Variants in SMG1 observed in about 807,000 individuals in gnomAD.
The protein encoded by SMG1 is SMG1 nonsense mediated mRNA decay associated PI3K related kinase.
In SMG1, 22 loss-of-function variants were observed where a neutral mutation model predicts 419.9. That is an observed-to-expected ratio of 0.05 (90% confidence interval 0.04 to 0.07). The LOEUF (loss-of-function observed/expected upper bound fraction) is 0.07, where lower values mean the gene tolerates loss of function less well. Among genes scored for constraint, SMG1 ranks in the 10% least tolerant of loss-of-function variants. The probability of loss-of-function intolerance (pLI) is 1.00; values close to 1 mark genes in which losing one functional copy is unlikely to be tolerated. For missense variants in SMG1, 3,185 were observed against 4,342.0 expected (o/e 0.73, Z 7.49); for synonymous variants, 1,538 against 1,553.5 (o/e 0.99, Z 0.23).
rs540493313 is a variant in SMG1, at chr16:18,868,541, T to G, written c.3012A>C (p.Ala1004=). The G allele has an allele frequency of 2.9e-4, 457 of 1,593,218 alleles. 1 individual carries two copies. The African/African-American group carries it at 5.3e-3, about 18-fold the overall frequency. The change falls in exon 21 of 63, where the codon GCA becomes GCC. Residue 1004 remains alanine (A), a synonymous_variant. Coordinates refer to ENST00000446231, the MANE Select transcript of SMG1 (RefSeq NM_015092.5). ...MYNAYEGCAN[A]LTSPPKVIRT... is the part of the protein sequence containing the mutation. ...AACCAACCTTGGGAGGTGAAGTTAA[T>G]GCATTAGCACATCCCTCGTATGCAT...
chr16:18,812,301 C>T, intron 60 of SMG1, 174 bp from the exon 61 acceptor site: 1 of 586,340 alleles, frequency 1.7e-6, no homozygotes, highest in South Asian at 2.6e-5. Context: ...TAAAAACAGC[C>T]AGACATTCAG....
chr16:18,921,671 T>C (rs2038206421), intron 1 of SMG1, among the ~76,000 whole-genome samples: 1 of 152,184 alleles, frequency 6.6e-6, no homozygotes, highest in Non-Finnish European at 1.5e-5. Flanking sequence ...CTTTATGTAT[T>C]TCCCCGTATT....
At chr16:18,827,666 T>C (rs2032826695) in intron 55 of SMG1, among the ~76,000 whole-genome samples, 2 of 144,656 alleles carry the variant, frequency 1.4e-5, no homozygotes, top group Admixed American at 7.0e-5. Flanking sequence ...AATATATATT[T>C]TTATATATAT....
rs753849271 is a variant in SMG1, at chr16:18,829,685, A to G, written c.9204T>C (p.Phe3068=). The G allele has an allele frequency of 6.2e-7, 1 of 1,614,042 alleles. No individual in the cohort carries two copies. Among genetic ancestry groups the G allele is most frequent in the Non-Finnish European group, 8.5e-7 (1 of 1,179,894 alleles). ...GGTCTTCACTGAAACAAGAGTTTCT[A>G]AAAAGGGTTTTCACATTGACAATCT... ...PVQIVNVKTL[F]RNSCFSEDQM... Residue 3068 remains phenylalanine (F), a synonymous_variant, in exon 54 of 63, where the codon TTT becomes TTC. Transcript: ENST00000446231.
chr16:18,827,788 A>G (rs1362740040), intron 55 of SMG1, among the ~76,000 whole-genome samples: 2 of 145,596 alleles, frequency 1.4e-5, no homozygotes, highest in East Asian at 2.0e-4. Flanking sequence ...TATATTTTAT[A>G]TATATTTTGG....
At chr16:18,897,275 T>C (rs1410579527) in intron 1 of SMG1, among the ~76,000 whole-genome samples, 1 of 152,174 alleles carries the variant, frequency 6.6e-6, no homozygotes, top group Non-Finnish European at 1.5e-5. Flanking sequence ...AACAGAACAA[T>C]TGGTTACTCT....
At chr16:18,898,546 CATCT>C (rs1199440540) in intron 1 of SMG1, among the ~76,000 whole-genome samples, 1 of 152,094 alleles carries the variant, frequency 6.6e-6, no homozygotes, top group Non-Finnish European at 1.5e-5. Context: ...ATTTAACATG[CATCT>C]ATATAAATCA....
chr16:18,857,411 T>TA (rs1320469053), intron 29 of SMG1: 3 of 152,208 alleles, frequency 2.0e-5, no homozygotes, highest in Non-Finnish European at 2.9e-5. Flanking sequence ...ACAAAGAACT[T>TA]AGGTTCAGAA....
At chr16:18,880,720 A>AAGG (rs1567417512) in intron 10 of SMG1, among the ~76,000 whole-genome samples, 1 of 34,580 alleles carries the variant, frequency 2.9e-5, no homozygotes, top group East Asian at 4.1e-4. Context: ...CCAAAAAAAA[A>AAGG]AGGGGGGGGG....
intron 10 of SMG1, among the ~76,000 whole-genome samples, chr16:18,881,634 T>C (rs1295496456): frequency 2.6e-5 from 4 of 152,174 alleles, no homozygotes; most frequent in Non-Finnish European, 4.4e-5. Context: ...TGAACCCTCA[T>C]TGGATGTGCT....
At chr16:18,850,558 C>T (rs796729668) in intron 33 of SMG1, 91 bp from the exon 34 acceptor site, 1 of 585,620 alleles carries the variant, frequency 1.7e-6, no homozygotes, top group Non-Finnish European at 2.6e-6. Context: ...AAATTCTTCT[C>T]ATATATAAAA....
Position 18,923,832 on chromosome 16 carries a change from T to C in SMG1, c.92+2118A>G, listed in dbSNP as rs112094471. 2.5e-3 allele frequency among the ~76,000 whole-genome samples: 385 copies of C among 152,162 alleles called. 2 individuals are homozygous for C. The highest frequency in any genetic ancestry group is 9.0e-3 in the African/African-American group (375 of 41,512). On this transcript the variant is annotated intron_variant, in intron 1 of 62. Coordinates refer to ENST00000446231, the MANE Select transcript of SMG1 (RefSeq NM_015092.5). ...GATCCGTTCTGTCAGTTACCTGGAG[T>C]CTGTCGTCTTTCTGAATAGGGGACA...
chr16:18,854,530 A>G, intron 30 of SMG1, 126 bp downstream of exon 30: 1 of 915,376 alleles, frequency 1.1e-6, no homozygotes, highest in Non-Finnish European at 1.6e-6. Flanking sequence ...TTCAGGATGC[A>G]AATGTTCTGC....
chr16:18,818,326 A>G (rs1217861434), intron 56 of SMG1, among the ~76,000 whole-genome samples: 1 of 152,158 alleles, frequency 6.6e-6, no homozygotes, highest in Non-Finnish European at 1.5e-5. Context: ...CAGAGGTTGC[A>G]GTGAGCCAAG....
In SMG1 at chr16:18,893,540, G is replaced by A. The variant is rs528692603; in HGVS notation, c.413-1186C>T. 4.6e-4 allele frequency among the ~76,000 whole-genome samples: 70 copies of A among 151,842 alleles called. 1 individual carries two copies. The highest frequency in any genetic ancestry group is 3.9e-3 in the Admixed American group (60 of 15,256). ...CTCAGGAGGCTGAGGTGGGAGGATC[G>A]CTTTAGCCTGGGAAGCGAAGGTTGC... On this transcript the variant is annotated intron_variant, in intron 3 of 62. Coordinates refer to ENST00000446231, the MANE Select transcript of SMG1 (RefSeq NM_015092.5).
chr16:18,902,880 C>T (rs554100248), intron 1 of SMG1, among the ~76,000 whole-genome samples: 2 of 152,224 alleles, frequency 1.3e-5, no homozygotes, highest in African/African-American at 2.4e-5. Flanking sequence ...CTCACCCTGT[C>T]GCCCAGGCTA....
intron 31 of SMG1, among the ~76,000 whole-genome samples, chr16:18,852,860 TC>T (rs1378181664): frequency 3.3e-5 from 5 of 152,252 alleles, no homozygotes; most frequent in African/African-American, 4.8e-5. Context: ...GTATACTGTT[TC>T]ATTCATACAG....
chr16:18,820,204 TCCACCCGCCTCGG>T (rs1243448272), intron 55 of SMG1, among the ~76,000 whole-genome samples: 1 of 151,958 alleles, frequency 6.6e-6, no homozygotes, highest in Non-Finnish European at 1.5e-5. Context: ...GACCTCATGA[TCCACCCGCCTCGG>T]CCTCCCAAAG....
At chr16:18,832,813 G>A (rs561550758) in intron 51 of SMG1, 127 bp downstream of exon 51, 1 of 782,574 alleles carries the variant, frequency 1.3e-6, no homozygotes, top group South Asian at 1.7e-5. Flanking sequence ...ATACGTGTAT[G>A]AGCATTTATA....
Sources: allele counts gnomAD v4.1 joint callset (sites outside exome capture counted in the v4.1 genomes callset), GRCh38; gene constraint gnomAD v4.1.1; transcripts MANE v1.5; gene names NCBI Gene and HGNC (gene_info 2026-07-23, HGNC 2026-07-21).